Variants in RBFOX3 observed in about 807,000 individuals in gnomAD.
RBFOX3 encodes RNA binding fox-1 homolog 3.
Under a neutral mutation model 48.7 loss-of-function variants are expected in RBFOX3, and 17 were observed. The observed-to-expected ratio is 0.35, with a 90% CI of 0.24 to 0.52. The LOEUF (loss-of-function observed/expected upper bound fraction) is 0.52, where lower values mean the gene tolerates loss of function less well. RBFOX3 is among the 20% of genes least tolerant of loss of function. The probability of loss-of-function intolerance (pLI) is 0.94; values close to 1 mark genes in which losing one functional copy is unlikely to be tolerated. For synonymous variants in RBFOX3, 212 were observed against 209.5 expected (o/e 1.01, Z -0.10); for missense variants, 382 against 497.5 (o/e 0.77, Z 2.21).
rs940764648 is a variant in RBFOX3 at position 79,243,613 on chromosome 17, G to A, written c.-73-7808C>T. On this transcript the variant is annotated intron_variant, in intron 3 of 14. Transcript: ENST00000693108. This position sits in a 1 kb window ranked among gnomAD's most constrained non-coding sequence, Gnocchi z 7.9. ...TCAGGTGGGAGGGTGTGGGGAAGGTGCTGGCTTTGCATGAGCGGAACTTAG... is the reference window on the plus strand; with the variant it reads ...TCAGGTGGGAGGGTGTGGGGAAGGTACTGGCTTTGCATGAGCGGAACTTAG... Among the ~76,000 whole-genome samples the A allele has an allele frequency of 2.0e-5, 3 of 152,068 alleles. No homozygotes were observed. The highest frequency in any genetic ancestry group is 7.2e-5 in the African/African-American group (3 of 41,406).
chr17:79,602,569 A>G (rs2093729866), intron 1 of RBFOX3, among the ~76,000 whole-genome samples: 1 of 152,096 alleles, frequency 6.6e-6, no homozygotes, highest in Non-Finnish European at 1.5e-5. Flanking sequence ...CTCTAGTTCC[A>G]CTTCACCTGT....
chr17:79,127,849 C>T (rs758268686), intron 4 of RBFOX3, among the ~76,000 whole-genome samples: 24 of 152,202 alleles, frequency 1.6e-4, no homozygotes, highest in Non-Finnish European at 3.2e-4. Context: ...AAAGGCGTCT[C>T]AGAGAACATT....
intron 1 of RBFOX3, among the ~76,000 whole-genome samples, chr17:79,505,400 C>T (rs2082958085): frequency 6.6e-6 from 1 of 152,142 alleles, no homozygotes; most frequent in South Asian, 2.1e-4. Context: ...GGGCTGGAGA[C>T]CCCTAAGCTG....
the RBFOX3 span, among the ~76,000 whole-genome samples, chr17:79,626,980 G>A: frequency 6.6e-6 from 1 of 152,162 alleles, no homozygotes; most frequent in South Asian, 2.1e-4. Context: ...ATTCAGCCTC[G>A]AGCCTCAGAA....
chr17:79,368,395 G>A (rs2058080373), intron 2 of RBFOX3, among the ~76,000 whole-genome samples: 2 of 152,204 alleles, frequency 1.3e-5, no homozygotes, highest in Admixed American at 6.5e-5. Flanking sequence ...CTGCATCTGG[G>A]TTTCCCAATG....
At chr17:79,647,887 G>T in the RBFOX3 span, among the ~76,000 whole-genome samples, 8 of 152,260 alleles carry the variant, frequency 5.3e-5, no homozygotes, top group African/African-American at 1.9e-4. Flanking sequence ...TGGGGGTGGA[G>T]TGGTAGAGAC....
Position 79,535,723 on chromosome 17 carries a change from C to T in RBFOX3, c.-319-53125G>A, listed in dbSNP as rs782525677. ...GACAGTCAATCGGACATAGGAATAA[C>T]GTGTCCTCTGCACCCAGGAAGCCTG... is the stretch of plus-strand genomic sequence containing the variant. On this transcript the variant is annotated intron_variant, in intron 1 of 14. Coordinates refer to ENST00000693108, the MANE Select transcript of RBFOX3 (RefSeq NM_001350451.2). The surrounding 1 kb of genome is among the most constrained non-coding windows in gnomAD (Gnocchi z 4.5). 1.3e-5 allele frequency among the ~76,000 whole-genome samples: 2 copies of T among 152,204 alleles called. No homozygotes were observed. The highest frequency in any genetic ancestry group is 4.8e-5 in the African/African-American group (2 of 41,438).
chr17:79,097,177 C>CT (rs1378120351), intron 11 of RBFOX3, 115 bp downstream of exon 11: 6 of 878,964 alleles, frequency 6.8e-6, no homozygotes, highest in Middle Eastern at 3.6e-4. Context: ...CGATCCTCCC[C>CT]CCCCCCAGGT....
intron 2 of RBFOX3, among the ~76,000 whole-genome samples, chr17:79,324,499 G>A (rs921764556): frequency 3.9e-5 from 6 of 152,198 alleles, no homozygotes; most frequent in Admixed American, 1.3e-4. Flanking sequence ...CCCCTTCTTC[G>A]ATGGAGGGCA....
At chr17:79,234,046 T>A (rs1309615226) in intron 4 of RBFOX3, 1 of 152,286 alleles carries the variant, frequency 6.6e-6, no homozygotes, top group Admixed American at 6.5e-5. Flanking sequence ...GGTGAACACT[T>A]GCGGGCGCCT....
At chr17:79,238,491 CCT>C (rs1401102910) in intron 3 of RBFOX3, among the ~76,000 whole-genome samples, 1 of 152,164 alleles carries the variant, frequency 6.6e-6, no homozygotes, top group Non-Finnish European at 1.5e-5. Flanking sequence ...CTCCGTGTCC[CCT>C]GTCCCTTCTC....
intron 4 of RBFOX3, among the ~76,000 whole-genome samples, chr17:79,168,597 G>T (rs2048502233): frequency 6.6e-6 from 1 of 152,218 alleles, no homozygotes; most frequent in Admixed American, 6.5e-5. Flanking sequence ...TCTGAGGGGA[G>T]AGGGGTCACT....
chr17:79,172,717 A>G (rs2049615347), intron 4 of RBFOX3, among the ~76,000 whole-genome samples: 1 of 152,210 alleles, frequency 6.6e-6, no homozygotes, highest in South Asian at 2.1e-4. Context: ...GGTCCTGGAA[A>G]CGTGGCTTGT....
At chr17:79,283,858 C>T (rs888636049) in intron 3 of RBFOX3, among the ~76,000 whole-genome samples, 1 of 152,242 alleles carries the variant, frequency 6.6e-6, no homozygotes, top group Non-Finnish European at 1.5e-5. Flanking sequence ...TTGTTTGAGA[C>T]ATCGTATCAT....
chr17:79,322,305 T>C (rs964036383), intron 2 of RBFOX3, among the ~76,000 whole-genome samples: 16 of 152,006 alleles, frequency 1.1e-4, no homozygotes, highest in Non-Finnish European at 2.1e-4. Context: ...AGCAACCTGG[T>C]GTTCAGCGGA....
chr17:79,349,226 C>G (rs975748420), intron 2 of RBFOX3, among the ~76,000 whole-genome samples: 1 of 152,094 alleles, frequency 6.6e-6, no homozygotes, highest in Non-Finnish European at 1.5e-5. Context: ...CCTGCTCAGC[C>G]CCTGCACGTG....
chr17:79,258,794 C>T (rs946120981), intron 3 of RBFOX3, among the ~76,000 whole-genome samples: 1 of 152,184 alleles, frequency 6.6e-6, no homozygotes, highest in African/African-American at 2.4e-5. Flanking sequence ...ATCCCACCCT[C>T]GCCACACCAT....
At chr17:79,611,578 C>G, upstream of RBFOX3, among the ~76,000 whole-genome samples, 1 of 152,254 alleles carries the variant, frequency 6.6e-6, no homozygotes, top group East Asian at 1.9e-4. Flanking sequence ...TAACAGGACC[C>G]CTGCCCTTGT....
At chr17:79,217,541 G>C (rs1347917115) in intron 4 of RBFOX3, among the ~76,000 whole-genome samples, 2 of 152,140 alleles carry the variant, frequency 1.3e-5, no homozygotes, top group African/African-American at 4.8e-5. Context: ...CAGGGTGCTC[G>C]AGGGAGCTGC....
Sources: allele counts gnomAD v4.1 joint callset (sites outside exome capture counted in the v4.1 genomes callset), GRCh38; gene constraint gnomAD v4.1.1; non-coding constraint Gnocchi (gnomAD v3.1); transcripts MANE v1.5; gene names NCBI Gene and HGNC (gene_info 2026-07-23, HGNC 2026-07-21).